Variants in MSRA observed in about 807,000 individuals in gnomAD.
MSRA encodes methionine sulfoxide reductase A, also known as mitochondrial peptide methionine sulfoxide reductase.
In MSRA, 54 loss-of-function variants were observed where a neutral mutation model predicts 31.3. The ratio of observed to expected loss-of-function variants is 1.73; its 90% confidence interval spans 1.39 to 2.17. MSRA has a LOEUF of 2.17. Among genes scored for constraint, MSRA ranks in the 30% most tolerant of loss-of-function variants. The pLI, the probability that MSRA is intolerant of heterozygous loss-of-function variation, is 0.00. For synonymous variants in MSRA, 169 were observed against 116.5 expected, an observed-to-expected ratio of 1.45 and a Z score of -2.90; for missense variants, 507 against 300.9, an observed-to-expected ratio of 1.69 and a Z score of -5.07.
At chr8:10,363,166 T>C (rs1804953504) in intron 5 of MSRA, among the ~76,000 whole-genome samples, 2 of 152,212 alleles carry the variant, frequency 1.3e-5, no homozygotes, top group South Asian at 2.1e-4. Context: ...TTCAGGTCCT[T>C]GGGTACTTGA....
At chr8:10,140,805 C>T (rs572735605) in intron 1 of MSRA, among the ~76,000 whole-genome samples, 2 of 152,130 alleles carry the variant, frequency 1.3e-5, no homozygotes, top group African/African-American at 4.8e-5. Context: ...GGACATAAAT[C>T]TATCTAATGG....
intron 3 of MSRA, among the ~76,000 whole-genome samples, chr8:10,254,351 GCTT>G (rs1245577365): frequency 6.6e-5 from 10 of 151,860 alleles, no homozygotes; most frequent in Non-Finnish European, 8.8e-5. Flanking sequence ...CTTCTCTTTT[GCTT>G]CTTCTTTCCT....
At chr8:10,289,296 A>G (rs1260470175) in intron 3 of MSRA, among the ~76,000 whole-genome samples, 1 of 152,124 alleles carries the variant, frequency 6.6e-6, no homozygotes, top group Non-Finnish European at 1.5e-5. Context: ...TACAGGCATG[A>G]GCCACTGCAC....
intron 4 of MSRA, among the ~76,000 whole-genome samples, chr8:10,309,065 C>A (rs1801292560): frequency 6.6e-6 from 1 of 152,232 alleles, no homozygotes; most frequent in Non-Finnish European, 1.5e-5. Context: ...TCAGAAAGGT[C>A]TTCCCTGCCC....
intron 1 of MSRA, among the ~76,000 whole-genome samples, chr8:10,068,868 A>G (rs1797593463): frequency 6.6e-6 from 1 of 152,240 alleles, no homozygotes; most frequent in Admixed American, 6.5e-5. Context: ...CTCCAGATCA[A>G]GTTGGGAAGA....
Position 10,054,391 on chromosome 8 carries a change from G to GGCCCCC in MSRA, c.-126_-125insGCCCCC. On this transcript the variant is annotated 5_prime_UTR_variant, in exon 1 of 6. Transcript: ENST00000317173. Reference sequence around the variant, plus strand: ...TCCAGCCCCGCCAGCAGCGCCCCGCGCCCGCCCGCCCGCGCCCCTGCCGCC... The same window carrying GGCCCCC: ...TCCAGCCCCGCCAGCAGCGCCCCGCGGCCCCCCCCGCCCGCCCGCGCCCCTGCCGCC... 5.1e-6 allele frequency: 3 copies of GGCCCCC among 586,316 alleles called. No homozygotes were observed. Among genetic ancestry groups the GGCCCCC allele is most frequent in the Non-Finnish European group, 4.9e-6 (2 of 406,460 alleles). 36.3% of individuals were successfully genotyped at this position (586,316 alleles called of 1,614,324 possible). A position where few individuals can be genotyped will look rare whatever the true frequency, so the allele number is the denominator to read the frequency against.
chr8:10,312,962 G>C (rs1037002620), intron 4 of MSRA, among the ~76,000 whole-genome samples: 1 of 152,228 alleles, frequency 6.6e-6, no homozygotes, highest in Non-Finnish European at 1.5e-5. Flanking sequence ...AAACTACAGA[G>C]AATGCCATTG....
intron 1 of MSRA, among the ~76,000 whole-genome samples, chr8:10,107,531 T>C (rs1799973599): frequency 6.6e-6 from 1 of 152,188 alleles, no homozygotes; most frequent in South Asian, 2.1e-4. Context: ...CCACCTGGAT[T>C]CCTTCTAATG....
intron 5 of MSRA, among the ~76,000 whole-genome samples, chr8:10,423,808 C>T (rs1215813810): frequency 3.9e-5 from 6 of 152,188 alleles, no homozygotes; most frequent in African/African-American, 1.4e-4. Context: ...TTCCCAGGCC[C>T]TAGAGGAGGT....
chr8:10,334,533 T>A lies in MSRA; in HGVS notation c.543+14544T>A, dbSNP rs1023195970. Among the ~76,000 whole-genome samples the A allele has an allele frequency of 2.0e-5, 3 of 152,140 alleles. No individual in the cohort carries two copies. The South Asian group carries it at 6.2e-4, about 32-fold the overall frequency. ...GGGGCAGTGCGTTTGCGTTTCAAAT[T>A]CCCGTTGATTGTGTCGCAGCCCGCG... On this transcript the variant is annotated intron_variant, in intron 5 of 5. Transcript: ENST00000317173.
intron 2 of MSRA, among the ~76,000 whole-genome samples, chr8:10,235,702 C>T (rs537980638): frequency 1.3e-5 from 2 of 152,198 alleles, no homozygotes; most frequent in Non-Finnish European, 2.9e-5. Context: ...TCTCCAAAGT[C>T]CAGGTGCTTC....
intron 1 of MSRA, among the ~76,000 whole-genome samples, chr8:10,157,868 T>C (rs948093069): frequency 9.2e-5 from 14 of 152,152 alleles, no homozygotes; most frequent in African/African-American, 3.4e-4. Context: ...TGTATTGACA[T>C]ATAACTCACA....
chr8:10,269,765 C>T (rs1372652697), intron 3 of MSRA, among the ~76,000 whole-genome samples: 2 of 152,218 alleles, frequency 1.3e-5, no homozygotes, highest in African/African-American at 4.8e-5. Context: ...CATTCCCCTG[C>T]CTCAGCCTCC....
chr8:10,425,694 C>A (rs886680470), intron 5 of MSRA, among the ~76,000 whole-genome samples: 1 of 152,258 alleles, frequency 6.6e-6, no homozygotes, highest in African/African-American at 2.4e-5. Context: ...AGGCCCGTCT[C>A]AGCAGGCGGT....
At chr8:10,102,652 T>C (rs538730780) in intron 1 of MSRA, among the ~76,000 whole-genome samples, 2 of 152,346 alleles carry the variant, frequency 1.3e-5, no homozygotes, top group South Asian at 4.1e-4. Context: ...CTTGGTATGA[T>C]AAATGATTTT....
intron 1 of MSRA, among the ~76,000 whole-genome samples, chr8:10,189,309 C>T (rs924984604): frequency 4.6e-5 from 7 of 151,022 alleles, no homozygotes; most frequent in South Asian, 2.1e-4. Context: ...AAGTATTTTC[C>T]TTCTTTCATT....
At chr8:10,149,648 C>G (rs183221785) in intron 1 of MSRA, among the ~76,000 whole-genome samples, 2 of 151,966 alleles carry the variant, frequency 1.3e-5, no homozygotes, top group African/African-American at 4.8e-5. Context: ...TGTCTACCTT[C>G]TGTCTGTGGA....
intron 5 of MSRA, among the ~76,000 whole-genome samples, chr8:10,416,355 A>G (rs1008154503): frequency 6.6e-6 from 1 of 152,084 alleles, no homozygotes; most frequent in African/African-American, 2.4e-5. Context: ...TGACTTCCCA[A>G]CCCTTCGGTA....
intron 5 of MSRA, among the ~76,000 whole-genome samples, chr8:10,360,655 C>G (rs1804793099): frequency 6.6e-6 from 1 of 152,174 alleles, no homozygotes; most frequent in Non-Finnish European, 1.5e-5. Flanking sequence ...CTGTCTAACT[C>G]TGGGTTTGAA....
Sources: allele counts gnomAD v4.1 joint callset (sites outside exome capture counted in the v4.1 genomes callset), GRCh38; gene constraint gnomAD v4.1.1; transcripts MANE v1.5; gene names NCBI Gene and HGNC (gene_info 2026-07-23, HGNC 2026-07-21).